The following CAMTA1 variants were observed in gnomAD, a reference collection of about 807,000 sequenced individuals.
The protein encoded by CAMTA1 is calmodulin binding transcription activator 1.
In CAMTA1, 27 loss-of-function variants were observed where a neutral mutation model predicts 170.9. That is an observed-to-expected ratio of 0.16 (90% CI 0.12 to 0.22). The LOEUF is 0.22. CAMTA1 is among the 10% of genes least tolerant of loss of function. The pLI, the probability that CAMTA1 is intolerant of heterozygous loss-of-function variation, is 1.00. For synonymous variants in CAMTA1, 833 were observed against 891.5 expected (o/e 0.93, Z 1.17); for missense variants, 1,619 against 2,217.2 (o/e 0.73, Z 5.42).
chr1:7,417,649 G>T lies in CAMTA1; in HGVS notation c.439-50181G>T, dbSNP rs148000907. 3.3e-5 allele frequency among the ~76,000 whole-genome samples: 5 copies of T among 152,308 alleles called. No homozygotes were observed. The East Asian group carries it at 5.8e-4, about 18-fold the overall frequency. ...AAAGTGCAGTATTTAGGGTGGGAGT[G>T]ACCCAATTTTCCAGGTGCCGTCTGT... On this transcript the variant is annotated intron_variant, in intron 5 of 22. Coordinates refer to ENST00000303635, the MANE Select transcript of CAMTA1 (RefSeq NM_015215.4).
intron 5 of CAMTA1, among the ~76,000 whole-genome samples, chr1:7,348,683 G>T (rs1045539757): frequency 6.6e-6 from 1 of 152,172 alleles, no homozygotes; most frequent in Non-Finnish European, 1.5e-5. Flanking sequence ...GAGATAATAG[G>T]AACCTGGAGA....
chr1:6,929,995 C>T (rs1684100416), intron 3 of CAMTA1, among the ~76,000 whole-genome samples: 1 of 152,194 alleles, frequency 6.6e-6, no homozygotes, highest in Admixed American at 6.5e-5. Context: ...TATTTGTCCC[C>T]TACACCAGGC....
At chr1:7,765,026 A>G (rs2097008392) in intron 22 of CAMTA1, among the ~76,000 whole-genome samples, 1 of 152,188 alleles carries the variant, frequency 6.6e-6, no homozygotes, top group South Asian at 2.1e-4. Flanking sequence ...TTAGAGAATC[A>G]GAAAAATATA....
rs1661271065 is a variant in CAMTA1 at position 7,224,071 on chromosome 1, C to T, written c.303-25420C>T. Among the ~76,000 whole-genome samples the T allele has an allele frequency of 6.6e-6, 1 of 152,074 alleles. No individual in the cohort carries two copies. Among genetic ancestry groups the T allele is most frequent in the South Asian group, 2.1e-4 (1 of 4,830 alleles). On this transcript the variant is annotated intron_variant, in intron 4 of 22. Coordinates refer to ENST00000303635, the MANE Select transcript of CAMTA1 (RefSeq NM_015215.4). This position sits in a 1 kb window ranked among gnomAD's most constrained non-coding sequence, Gnocchi z 5.2. The stretch of plus-strand genomic sequence containing the variant: ...CTTAATCATAATCACTACCATGAAC[C>T]CACATGACATGCAGTTGTATAAAGG...
At chr1:6,991,874 G>A (rs1403009406) in intron 3 of CAMTA1, among the ~76,000 whole-genome samples, 2 of 151,360 alleles carry the variant, frequency 1.3e-5, no homozygotes, top group South Asian at 2.1e-4. Flanking sequence ...ATTTTTTTTT[G>A]TATTTTTAGT....
At chr1:6,863,338 C>G (rs1267619590) in intron 3 of CAMTA1, among the ~76,000 whole-genome samples, 1 of 152,204 alleles carries the variant, frequency 6.6e-6, no homozygotes, top group East Asian at 1.9e-4. Context: ...TCCCCAACCC[C>G]TGTGAGTTCA....
intron 5 of CAMTA1, among the ~76,000 whole-genome samples, chr1:7,295,598 G>A (rs952670858): frequency 3.9e-5 from 6 of 152,172 alleles, no homozygotes; most frequent in African/African-American, 1.4e-4. Flanking sequence ...AGTATCACAC[G>A]GCCACATGGG....
chr1:7,227,378 C>T (rs113498821), intron 4 of CAMTA1, among the ~76,000 whole-genome samples: 8 of 152,006 alleles, frequency 5.3e-5, no homozygotes, highest in African/African-American at 1.2e-4. Context: ...CCTAGGCTGA[C>T]GTGCAATGGT....
rs570815014 is a variant in CAMTA1 at position 6,903,300 on chromosome 1, G to A, written c.234+78090G>A. On this transcript the variant is annotated intron_variant, in intron 3 of 22. Coordinates refer to ENST00000303635, the MANE Select transcript of CAMTA1 (RefSeq NM_015215.4). ...AAGGTTTTGGGTGGTGGAAGTGTAG[G>A]CTCACTCCCATTTTGGGTAGTGATT... 4.6e-5 allele frequency among the ~76,000 whole-genome samples: 7 copies of A among 152,156 alleles called. No homozygotes were observed. The East Asian group carries it at 1.4e-3, about 29-fold the overall frequency.
chr1:7,076,920 C>T (rs1401851035), intron 3 of CAMTA1, among the ~76,000 whole-genome samples: 4 of 152,210 alleles, frequency 2.6e-5, no homozygotes, highest in African/African-American at 9.6e-5. Context: ...AGCTGGGTTG[C>T]TTGTTTGTCA....
Position 7,337,298 on chromosome 1 carries a change from G to A in CAMTA1, c.438+87672G>A, listed in dbSNP as rs370613471. Among the ~76,000 whole-genome samples, 8 of 152,330 alleles carry A rather than the reference G, an allele frequency of 5.3e-5. No homozygotes were observed. In the South Asian group the frequency reaches 1.0e-3, roughly 20 times the overall value. Reference sequence around the variant, plus strand: ...GAGGTAAGCACCCCTTGCGAGGTTAGGAGAGGGCGTGTCTGATAGGCATTG... The same window carrying A: ...GAGGTAAGCACCCCTTGCGAGGTTAAGAGAGGGCGTGTCTGATAGGCATTG... On this transcript the variant is annotated intron_variant, in intron 5 of 22. Transcript: ENST00000303635.
intron 4 of CAMTA1, among the ~76,000 whole-genome samples, chr1:7,125,847 A>G (rs1644902479): frequency 6.6e-6 from 1 of 152,074 alleles, no homozygotes; most frequent in Non-Finnish European, 1.5e-5. Context: ...CCTCCTTTCC[A>G]TCTCTCCTCC....
At chr1:7,355,221 A>AAAT (rs1262277051) in intron 5 of CAMTA1, among the ~76,000 whole-genome samples, 2 of 150,620 alleles carry the variant, frequency 1.3e-5, no homozygotes, top group African/African-American at 4.9e-5. Context: ...AAAAAAAAAA[A>AAAT]AAGAAAGAAA....
intron 7 of CAMTA1, among the ~76,000 whole-genome samples, 172 bp from the exon 8 acceptor site, chr1:7,661,554 G>A (rs570254483): frequency 2.0e-5 from 3 of 152,282 alleles, no homozygotes; most frequent in African/African-American, 7.2e-5. Flanking sequence ...GGCGGGGGCA[G>A]CCTGGCCTCC....
At chr1:7,556,407 A>C (rs1478402717) in intron 6 of CAMTA1, among the ~76,000 whole-genome samples, 1 of 152,178 alleles carries the variant, frequency 6.6e-6, no homozygotes, top group Non-Finnish European at 1.5e-5. Flanking sequence ...GAAATACAGA[A>C]AATAAAATGG....
intron 3 of CAMTA1, among the ~76,000 whole-genome samples, chr1:6,904,483 C>T (rs2149231734): frequency 6.6e-6 from 1 of 152,108 alleles, no homozygotes; most frequent in Middle Eastern, 3.4e-3. Flanking sequence ...GTTTATCTGC[C>T]AATGACACCC....
At chr1:7,719,339 T>C (rs1026327597) in intron 11 of CAMTA1, among the ~76,000 whole-genome samples, 2 of 152,216 alleles carry the variant, frequency 1.3e-5, no homozygotes, top group Non-Finnish European at 2.9e-5. Context: ...TGAGAGATGA[T>C]TGTCAGTTTG....
At chr1:7,578,528 G>A (rs1475851127) in intron 6 of CAMTA1, among the ~76,000 whole-genome samples, 4 of 152,242 alleles carry the variant, frequency 2.6e-5, no homozygotes, top group African/African-American at 4.8e-5. Context: ...CGACAGGGTC[G>A]CCGGAAAGGA....
In CAMTA1 at chr1:7,014,166, G is replaced by C. The variant is rs78892419; in HGVS notation, c.235-77138G>C. 6.6e-6 allele frequency: 1 copy of C among 152,318 alleles called. No individual in the cohort carries two copies. Among genetic ancestry groups the C allele is most frequent in the Non-Finnish European group, 1.5e-5 (1 of 68,114 alleles). 9.4% of individuals were successfully genotyped at this position (152,318 alleles called of 1,614,324 possible). On this transcript the variant is annotated intron_variant, in intron 3 of 22. Coordinates refer to ENST00000303635, the MANE Select transcript of CAMTA1 (RefSeq NM_015215.4). The surrounding 1 kb of genome is among the most constrained non-coding windows in gnomAD (Gnocchi z 4.2). The stretch of plus-strand genomic sequence containing the variant: ...TGTGCCTCAGAGGGTGCCCTCAGCC[G>C]TGGCAGAAGCCACAGCCTGGGTTTG...
Sources: allele counts gnomAD v4.1 joint callset (sites outside exome capture counted in the v4.1 genomes callset), GRCh38; gene constraint gnomAD v4.1.1; non-coding constraint Gnocchi (gnomAD v3.1); transcripts MANE v1.5; gene names NCBI Gene and HGNC (gene_info 2026-07-23, HGNC 2026-07-21).